The following SNTB2 variants were observed in gnomAD, a reference collection of about 807,000 sequenced individuals.
The protein encoded by SNTB2 is beta-2-syntrophin.
Under a neutral mutation model 46.2 loss-of-function variants are expected in SNTB2, and 34 were observed. The observed-to-expected ratio is 0.74, with a 90% CI of 0.56 to 0.98. The LOEUF (loss-of-function observed/expected upper bound fraction) is 0.98, where lower values mean the gene tolerates loss of function less well. Among genes scored for constraint, SNTB2 ranks in the 50% least tolerant of loss-of-function variants. The probability of loss-of-function intolerance (pLI) is 0.00; values close to 1 mark genes in which losing one functional copy is unlikely to be tolerated. For synonymous variants in SNTB2, 290 were observed against 312.6 expected, an observed-to-expected ratio of 0.93 and a Z score of 0.76; for missense variants, 603 against 731.4, an observed-to-expected ratio of 0.82 and a Z score of 2.02.
chr16:69,229,891 A>G (rs1315859380), intron 1 of SNTB2, among the ~76,000 whole-genome samples: 1 of 137,560 alleles, frequency 7.3e-6, no homozygotes, highest in Non-Finnish European at 1.5e-5. Context: ...GGCTCAAGGG[A>G]TTCTCCTGCC....
chr16:69,304,274 G>C lies in SNTB2; in HGVS notation c.*3350G>C, dbSNP rs1308671630. ...ATATAAGTTCCTGCAGTATTTATTA[G>C]ATAGTTGTAACTGTAAACTCACCTC... On this transcript the variant is annotated 3_prime_UTR_variant, in exon 7 of 7. Coordinates refer to ENST00000336278, the MANE Select transcript of SNTB2 (RefSeq NM_006750.4). The C allele has an allele frequency of 6.6e-6, 1 of 152,576 alleles. No homozygotes were observed. Among genetic ancestry groups the C allele is most frequent in the African/African-American group, 2.4e-5 (1 of 41,438 alleles). The allele number at this position is 152,576 out of a possible 1,614,324, so 9.5% of individuals were successfully genotyped here.
intron 5 of SNTB2, among the ~76,000 whole-genome samples, chr16:69,295,528 G>A (rs1025481510): frequency 7.2e-5 from 11 of 151,852 alleles, no homozygotes; most frequent in African/African-American, 2.2e-4. Flanking sequence ...GATTACAGGC[G>A]TGAGCCACCG....
chr16:69,292,390 T>TTATATATATATA (rs1233537704), intron 5 of SNTB2, among the ~76,000 whole-genome samples: 2 of 12,764 alleles, frequency 1.6e-4, no homozygotes, highest in South Asian at 4.0e-3. Context: ...TATATATATA[T>TTATATATATATA]TATATATATA....
Position 69,308,160 on chromosome 16 carries a change from T to A in SNTB2, c.*7236T>A, listed in dbSNP as rs1965329590. ...TGTCTTGTTCTTTAAACCTACCCTT[T>A]GACAATCAGGTGCTAATGATTGTAT... is the stretch of plus-strand genomic sequence containing the variant. On this transcript the variant is annotated 3_prime_UTR_variant, in exon 7 of 7. Transcript: ENST00000336278. 1 of 152,666 alleles carries A rather than the reference T, an allele frequency of 6.6e-6. No individual in the cohort carries two copies. The highest frequency in any genetic ancestry group is 6.5e-5 in the Admixed American group (1 of 15,280). The allele number at this position is 152,666 out of a possible 1,614,324, so 9.5% of individuals were successfully genotyped here.
chr16:69,204,925 T>C (rs1964198831), intron 1 of SNTB2, among the ~76,000 whole-genome samples: 1 of 152,216 alleles, frequency 6.6e-6, no homozygotes, highest in Non-Finnish European at 1.5e-5. Flanking sequence ...GTTTCAGTAA[T>C]GTTACTGCTG....
Position 69,283,959 on chromosome 16 carries a change from T to C in SNTB2, c.1149-89T>C. The C allele has an allele frequency of 7.3e-6, 9 of 1,234,252 alleles. No individual in the cohort carries two copies. In the East Asian group the frequency reaches 1.7e-4, roughly 23 times the overall value. 76.5% of individuals were successfully genotyped at this position (1,234,252 alleles called of 1,614,324 possible). On this transcript the variant is annotated intron_variant, in intron 4 of 6. Transcript: ENST00000336278. ...ATCCAAAAACTGCTGATTGCTTTTA[T>C]AAGTTTCTCTTATCAATGAGCACAA...
At chr16:69,242,487 C>T (rs1199111592) in intron 1 of SNTB2, among the ~76,000 whole-genome samples, 4 of 151,910 alleles carry the variant, frequency 2.6e-5, no homozygotes, top group Admixed American at 6.6e-5. Context: ...TTCTTAAATA[C>T]GTTTTTAAAA....
intron 4 of SNTB2, among the ~76,000 whole-genome samples, chr16:69,278,682 C>T (rs1035937784): frequency 1.3e-5 from 2 of 152,224 alleles, no homozygotes; most frequent in African/African-American, 4.8e-5. Context: ...TCTCAAACTC[C>T]TGACCTCAGG....
At chr16:69,230,309 C>T (rs1223902761) in intron 1 of SNTB2, 1 of 151,326 alleles carries the variant, frequency 6.6e-6, no homozygotes, top group Non-Finnish European at 1.5e-5. Context: ...TTAGAGCTTG[C>T]TTTAATCACT....
intron 1 of SNTB2, among the ~76,000 whole-genome samples, chr16:69,210,036 T>A (rs568137156): frequency 4.3e-4 from 65 of 150,104 alleles, no homozygotes; most frequent in South Asian, 1.7e-3. Context: ...TTTTTTTTTT[T>A]TTTTTTTAGA....
At position 69,292,364 on chromosome 16, in the gene SNTB2, A is replaced by ATATATATATATATTATATATATAT. The variant is rs1965168730; in HGVS notation, c.1346-7213_1346-7212insTATATATATATTATATATATATAT. 3.7e-4 allele frequency among the ~76,000 whole-genome samples: 13 copies of ATATATATATATATTATATATATAT among 34,780 alleles called. 1 individual carries two copies. Among genetic ancestry groups the ATATATATATATATTATATATATAT allele is most frequent in the African/African-American group, 1.6e-3 (12 of 7,464 alleles). The allele number at this position is 34,780 out of a possible 152,430, so 22.8% of individuals were successfully genotyped here. ...TGTTCACCTTATTTTTTATATATAT[A>ATATATATATATATTATATATATAT]TATATATATATATATTATATATATA... is the stretch of plus-strand genomic sequence containing the variant. On this transcript the variant is annotated intron_variant, in intron 5 of 6. Transcript: ENST00000336278.
intron 1 of SNTB2, among the ~76,000 whole-genome samples, chr16:69,224,412 C>T (rs1964438816): frequency 6.6e-6 from 1 of 151,950 alleles, no homozygotes; most frequent in Admixed American, 6.6e-5. Context: ...GGGGTTTCAC[C>T]ATGTTGGCCA....
At chr16:69,279,870 T>C (rs1597198060) in intron 4 of SNTB2, among the ~76,000 whole-genome samples, 1 of 146,206 alleles carries the variant, frequency 6.8e-6, no homozygotes, top group Non-Finnish European at 1.5e-5. Flanking sequence ...AATTAATTAA[T>C]TTATTTATTT....
At chr16:69,253,237 C>G (rs909867001) in intron 2 of SNTB2, among the ~76,000 whole-genome samples, 1 of 151,954 alleles carries the variant, frequency 6.6e-6, no homozygotes, top group African/African-American at 2.4e-5. Context: ...AAGGTGGACT[C>G]TTTTGGATCC....
At chr16:69,235,646 A>C in intron 1 of SNTB2, 1 of 1,204,528 alleles carries the variant, frequency 8.3e-7, no homozygotes, top group Non-Finnish European at 1.1e-6. Flanking sequence ...GCAGAAAGAA[A>C]GAAAACAAAA....
At chr16:69,299,840 C>T (rs1965262483) in intron 6 of SNTB2, 66 bp downstream of exon 6, 2 of 1,475,594 alleles carry the variant, frequency 1.4e-6, no homozygotes, top group Middle Eastern at 1.8e-4. Context: ...TTACTTCTTA[C>T]CCCTTATATA....
chr16:69,290,089 T>C (rs2143176132), intron 5 of SNTB2, among the ~76,000 whole-genome samples: 1 of 152,312 alleles, frequency 6.6e-6, no homozygotes, highest in East Asian at 1.9e-4. Flanking sequence ...ATTCAATACA[T>C]AATCTTCCTA....
chr16:69,270,362 G>A (rs1964926065), intron 4 of SNTB2, 77 bp downstream of exon 4: 1 of 1,547,282 alleles, frequency 6.5e-7, no homozygotes. Flanking sequence ...AGTGAATTCT[G>A]TTATCTTAGG....
intron 1 of SNTB2, among the ~76,000 whole-genome samples, chr16:69,236,712 A>G (rs1964563620): frequency 6.6e-6 from 1 of 151,322 alleles, no homozygotes; most frequent in Non-Finnish European, 1.5e-5. Context: ...CAGCCACTAC[A>G]GTGGCTGGTC....
Sources: gnomAD v4.1 joint callset for allele counts (sites outside exome capture counted in the v4.1 genomes callset) on GRCh38, gnomAD v4.1.1 for gene constraint, MANE v1.5 for transcripts, NCBI Gene and HGNC (gene_info 2026-07-23, HGNC 2026-07-21) for gene names.